FRYL: variants seen among roughly 807,000 people sequenced by gnomAD.
FRYL encodes FRY like transcription coactivator.
FRYL carries 150 observed loss-of-function variants against 351.2 expected under a neutral mutation model. The observed-to-expected ratio is 0.43, with a 90% CI of 0.37 to 0.49. FRYL has a LOEUF of 0.49. Ranked by LOEUF, FRYL falls within the 20% of genes least tolerant of loss-of-function variation. FRYL has a pLI of 0.00. For synonymous variants in FRYL, 1,153 were observed against 1,257.1 expected (o/e 0.92, Z 1.75); for missense variants, 3,036 against 3,619.3 (o/e 0.84, Z 4.13).
rs1553957604 is a variant in FRYL at position 48,632,102 on chromosome 4, A to ATATATATATG, written c.120+2188_120+2189insCATATATATA. On this transcript the variant is annotated intron_variant, in intron 4 of 63. Transcript: ENST00000358350. ...AAAAAAAAAAAAAAAATATATATAT[A>ATATATATATG]TATATATATATATATATATATATAT... 8.3e-3 allele frequency among the ~76,000 whole-genome samples: 304 copies of ATATATATATG among 36,654 alleles called. 5 individuals carry two copies. The highest frequency in any genetic ancestry group is 0.061 in the East Asian group (61 of 996). The allele number at this position is 36,654 out of a possible 152,430, so 24.0% of individuals were successfully genotyped here. A position where few individuals can be genotyped will look rare whatever the true frequency, so the allele number is the denominator to read the frequency against.
At chr4:48,702,564 AGGAGATCGAGACCAT>A (rs2149577724) in intron 2 of FRYL, among the ~76,000 whole-genome samples, 1 of 149,456 alleles carries the variant, frequency 6.7e-6, no homozygotes, top group Admixed American at 6.7e-5. Flanking sequence ...TTACGAGGTC[AGGAGATCGAGACCAT>A]GGTGAAACCC....
chr4:48,507,122 TCA>T (rs907171652), intron 59 of FRYL, among the ~76,000 whole-genome samples: 12 of 152,200 alleles, frequency 7.9e-5, no homozygotes, highest in Non-Finnish European at 1.8e-4. Context: ...GAAAATAATT[TCA>T]GTTGATTATT....
chr4:48,578,532 C>T (rs956257195), intron 23 of FRYL, among the ~76,000 whole-genome samples: 1 of 152,216 alleles, frequency 6.6e-6, no homozygotes, highest in African/African-American at 2.4e-5. Flanking sequence ...AAATCTCCTA[C>T]TCAGTGTGTT....
In FRYL at chr4:48,498,068, ATTCT is replaced by A. The variant is rs1246804638; in HGVS notation, c.*1350_*1353del. The A allele has an allele frequency of 2.0e-5, 3 of 150,494 alleles. No individual in the cohort carries two copies. Among genetic ancestry groups the A allele is most frequent in the Non-Finnish European group, 3.0e-5 (2 of 67,642 alleles). 9.3% of individuals were successfully genotyped at this position (150,494 alleles called of 1,614,324 possible). On this transcript the variant is annotated 3_prime_UTR_variant, in exon 64 of 64. Transcript: ENST00000358350. ...TTCAAATCAGGAGTTGTGGGACTAC[ATTCT>A]TTTTTTTTTTTTTTCTTTCTTTTCT...
At chr4:48,536,763 T>C (rs1438249431) in intron 47 of FRYL, among the ~76,000 whole-genome samples, 1 of 152,224 alleles carries the variant, frequency 6.6e-6, no homozygotes, top group Non-Finnish European at 1.5e-5. Flanking sequence ...TTTTTACAAC[T>C]ACCTACAGCA....
chr4:48,751,811 T>G (rs1578923211), intron 1 of FRYL, among the ~76,000 whole-genome samples: 1 of 150,758 alleles, frequency 6.6e-6, no homozygotes, highest in Non-Finnish European at 1.5e-5. Flanking sequence ...ACAGCCTTCC[T>G]CCCTTATGCC....
chr4:48,576,237 AG>A lies in FRYL; in HGVS notation c.2529-16del. 6.4e-7 allele frequency: 1 copy of A among 1,557,782 alleles called. No individual in the cohort carries two copies. The highest frequency in any genetic ancestry group is 2.3e-5 in the East Asian group (1 of 43,014). On this transcript the variant is annotated splice_polypyrimidine_tract_variant and intron_variant, in intron 23 of 63. Transcript: ENST00000358350. Reference sequence around the variant, plus strand: ...TGATGGGGCTACTAAGGAAAAAAAAAGAAAAATAGGCAGATATGAATAACAC... The same window carrying A: ...TGATGGGGCTACTAAGGAAAAAAAAAAAAAATAGGCAGATATGAATAACAC...
intron 2 of FRYL, among the ~76,000 whole-genome samples, chr4:48,687,498 G>T (rs1289844065): frequency 1.5e-5 from 2 of 132,108 alleles, no homozygotes; most frequent in African/African-American, 5.8e-5. Context: ...AGGTCGGGGG[G>T]GGGGGGGGTG....
chr4:48,549,415 C>A lies in FRYL; in HGVS notation c.4784+58G>T. On this transcript the variant is annotated intron_variant, in intron 39 of 63. Transcript: ENST00000358350. The surrounding 1 kb of genome is among the most constrained non-coding windows in gnomAD (Gnocchi z 4.2). The stretch of plus-strand genomic sequence containing the variant: ...GTGTTGTCAGATAGCACAAAGAAAG[C>A]CGACAGTGTTCAGCAGCAACTTGGT... 6.7e-7 allele frequency: 1 copy of A among 1,499,554 alleles called. No individual in the cohort carries two copies. The highest frequency in any genetic ancestry group is 9.0e-7 in the Non-Finnish European group (1 of 1,109,738). The allele number at this position is 1,499,554 out of a possible 1,614,324, so 92.9% of individuals were successfully genotyped here. A position where few individuals can be genotyped will look rare whatever the true frequency, so the allele number is the denominator to read the frequency against.
At chr4:48,624,164 A>G (rs537757657) in intron 4 of FRYL, among the ~76,000 whole-genome samples, 1 of 152,316 alleles carries the variant, frequency 6.6e-6, no homozygotes, top group East Asian at 1.9e-4. Context: ...TTTAACTGAT[A>G]TCAGGAGAGG....
rs184977858 is a variant in FRYL at position 48,616,830 on chromosome 4, G to T, written c.411+2444C>A. On this transcript the variant is annotated intron_variant, in intron 7 of 63. Transcript: ENST00000358350. ...AAACCTGAATCACATTTTAATATAG[G>T]TGTATTATATGGGGCAAAAGTAAAA... is the stretch of plus-strand genomic sequence containing the variant. 1.4e-3 allele frequency among the ~76,000 whole-genome samples: 213 copies of T among 152,212 alleles called. 1 individual carries two copies. The highest frequency in any genetic ancestry group is 4.6e-3 in the African/African-American group (189 of 41,522).
At position 48,772,963 on chromosome 4, in the gene FRYL, G is replaced by A. The variant is rs193254444; in HGVS notation, c.-384+7115C>T. Reference sequence around the variant, plus strand: ...ACAGTGGGATGTCGTTGGTGAAAACGTTCAGTTGATTCCTCCTGGAAAGAT... The same window carrying A: ...ACAGTGGGATGTCGTTGGTGAAAACATTCAGTTGATTCCTCCTGGAAAGAT... On this transcript the variant is annotated intron_variant, in intron 1 of 63. Coordinates refer to ENST00000358350, the MANE Select transcript of FRYL (RefSeq NM_015030.2). Among the ~76,000 whole-genome samples the A allele has an allele frequency of 3.0e-4, 45 of 152,248 alleles. 1 individual carries two copies. Among genetic ancestry groups the A allele is most frequent in the Admixed American group, 2.6e-3 (40 of 15,292 alleles).
intron 1 of FRYL, among the ~76,000 whole-genome samples, chr4:48,739,391 A>T (rs1578884599): frequency 7.7e-6 from 1 of 129,608 alleles, no homozygotes; most frequent in African/African-American, 2.8e-5. Flanking sequence ...ACAGAGCAAG[A>T]CTCCGTCTCA....
chr4:48,683,873 C>T (rs1764912318), intron 3 of FRYL, among the ~76,000 whole-genome samples: 1 of 152,228 alleles, frequency 6.6e-6, no homozygotes, highest in Non-Finnish European at 1.5e-5. Flanking sequence ...CCCTCTCTCC[C>T]TCCTTCTCTC....
At chr4:48,529,609 A>G (rs78850433) in intron 50 of FRYL, among the ~76,000 whole-genome samples, 4,155 of 152,298 alleles carry the variant, frequency 0.027, 71 homozygotes, top group Middle Eastern at 0.041. Flanking sequence ...GATAAATTCT[A>G]ATGCCAAGAC....
At chr4:48,509,437 C>T (rs1206681005) in intron 59 of FRYL, among the ~76,000 whole-genome samples, 2 of 152,154 alleles carry the variant, frequency 1.3e-5, no homozygotes, top group Non-Finnish European at 2.9e-5. Context: ...CTATACATGT[C>T]ACAGATATTT....
At chr4:48,565,716 C>A (rs1333901934) in intron 28 of FRYL, 25 bp from the exon 29 acceptor site, 1 of 1,590,090 alleles carries the variant, frequency 6.3e-7, no homozygotes. Context: ...AGATAGAAAA[C>A]ATTTATTTCC....
intron 3 of FRYL, among the ~76,000 whole-genome samples, chr4:48,649,621 C>A (rs1757234430): frequency 6.6e-6 from 1 of 152,156 alleles, no homozygotes; most frequent in South Asian, 2.1e-4. Flanking sequence ...CACGACACAG[C>A]TGGTTTAACA....
chr4:48,593,223 T>C (rs927596730), intron 16 of FRYL, among the ~76,000 whole-genome samples: 2 of 137,486 alleles, frequency 1.5e-5, no homozygotes, highest in African/African-American at 2.7e-5. Context: ...TGAGATTTAT[T>C]GAAGAACACC....
Sources: gnomAD v4.1 joint callset for allele counts (sites outside exome capture counted in the v4.1 genomes callset) on GRCh38, gnomAD v4.1.1 for gene constraint, Gnocchi (gnomAD v3.1) non-coding constraint, MANE v1.5 for transcripts, NCBI Gene and HGNC (gene_info 2026-07-23, HGNC 2026-07-21) for gene names.